Variants in VEPH1 observed in about 807,000 individuals in gnomAD.
VEPH1 encodes ventricular zone expressed PH domain containing 1.
In VEPH1, 80 loss-of-function variants were observed where a neutral mutation model predicts 85.2. The ratio of observed to expected loss-of-function variants is 0.94; its 90% CI spans 0.78 to 1.13. VEPH1 has a LOEUF of 1.13. Ranked by LOEUF, VEPH1 falls within the 50% of genes most tolerant of loss-of-function variation. The pLI is 0.00. For synonymous variants in VEPH1, 297 were observed against 348.0 expected, an observed-to-expected ratio of 0.85 and a Z score of 1.63; for missense variants, 955 against 980.5, an observed-to-expected ratio of 0.97 and a Z score of 0.35.
intron 3 of VEPH1, among the ~76,000 whole-genome samples, chr3:157,468,984 T>C (rs938215167): frequency 1.3e-5 from 2 of 152,250 alleles, no homozygotes; most frequent in South Asian, 4.1e-4. Flanking sequence ...AGACGAGTGG[T>C]TTTGAACCTG....
chr3:157,286,749 G>A, intron 11 of VEPH1, 75 bp from the exon 12 acceptor site: 1 of 1,215,328 alleles, frequency 8.2e-7, no homozygotes, highest in Non-Finnish European at 1.2e-6. Flanking sequence ...CTGGGAGAAG[G>A]GGATGTGGAT....
At chr3:157,491,522 A>T (rs1381670739) in intron 2 of VEPH1, among the ~76,000 whole-genome samples, 5 of 152,178 alleles carry the variant, frequency 3.3e-5, no homozygotes, top group Non-Finnish European at 2.9e-5. Flanking sequence ...TAAGGGCAAA[A>T]CATTTCATAG....
At chr3:157,377,142 C>A (rs1243228801) in intron 7 of VEPH1, among the ~76,000 whole-genome samples, 1 of 151,964 alleles carries the variant, frequency 6.6e-6, no homozygotes, top group Admixed American at 6.6e-5. Flanking sequence ...TAATTACAAT[C>A]GATTAGAAGA....
At chr3:157,466,959 T>A (rs1038154447) in intron 3 of VEPH1, among the ~76,000 whole-genome samples, 13 of 152,220 alleles carry the variant, frequency 8.5e-5, no homozygotes, top group African/African-American at 2.4e-4. Context: ...CTGGAATTTT[T>A]AAAAGTTATT....
intron 11 of VEPH1, among the ~76,000 whole-genome samples, chr3:157,295,844 A>G (rs1718060609): frequency 6.6e-6 from 1 of 152,148 alleles, no homozygotes; most frequent in South Asian, 2.1e-4. Context: ...CGTCCCAGCT[A>G]CCCAGGAGGC....
At position 157,437,182 on chromosome 3, in the gene VEPH1, C is replaced by G. The variant is rs1733665890; in HGVS notation, c.530-8694G>C. ...AGTTAAAAATTTATAGCTTGTTATG[C>G]AAAAGTGAGAAGCACTTGAAGAAAG... On this transcript the variant is annotated intron_variant, in intron 4 of 13. Coordinates refer to ENST00000362010, the MANE Select transcript of VEPH1 (RefSeq NM_001167912.2). 3.0e-6 allele frequency: 4 copies of G among 1,349,192 alleles called. No homozygotes were observed. The East Asian group carries it at 9.2e-5, about 31-fold the overall frequency. 83.6% of individuals were successfully genotyped at this position (1,349,192 alleles called of 1,614,324 possible).
intron 11 of VEPH1, among the ~76,000 whole-genome samples, chr3:157,298,091 T>G (rs1404888656): frequency 6.6e-6 from 1 of 152,136 alleles, no homozygotes; most frequent in Non-Finnish European, 1.5e-5. Context: ...ACTAAACAGG[T>G]GATTTGGTGC....
intron 10 of VEPH1, among the ~76,000 whole-genome samples, chr3:157,314,071 G>A (rs1033333307): frequency 2.0e-5 from 3 of 151,966 alleles, no homozygotes; most frequent in African/African-American, 7.3e-5. Flanking sequence ...GGTGGCTCAT[G>A]TCTGTAATCC....
chr3:157,324,805 C>T (rs1190987218), intron 9 of VEPH1, among the ~76,000 whole-genome samples: 1 of 152,046 alleles, frequency 6.6e-6, no homozygotes, highest in Non-Finnish European at 1.5e-5. Flanking sequence ...CATACACGTG[C>T]ATGTATATTT....
At chr3:157,381,548 T>A (rs966877284) in intron 6 of VEPH1, 172 bp from the exon 7 acceptor site, 4 of 620,042 alleles carry the variant, frequency 6.5e-6, no homozygotes, top group Non-Finnish European at 1.1e-5. Flanking sequence ...TAACACCCCA[T>A]CTCAACTTAA....
At chr3:157,473,361 C>T (rs1309488639) in intron 2 of VEPH1, among the ~76,000 whole-genome samples, 1 of 152,062 alleles carries the variant, frequency 6.6e-6, no homozygotes, top group African/African-American at 2.4e-5. Context: ...CATGAGCCAC[C>T]ATGTCGTGCT....
At chr3:157,363,893 G>A (rs1002756494) in intron 8 of VEPH1, 132 bp from the exon 9 acceptor site, 14 of 1,006,448 alleles carry the variant, frequency 1.4e-5, no homozygotes, top group Non-Finnish European at 2.0e-5. Context: ...CCTGATAAAT[G>A]TATACCACCA....
At chr3:157,263,285 C>CA (rs1559905762) in intron 13 of VEPH1, among the ~76,000 whole-genome samples, 1 of 152,132 alleles carries the variant, frequency 6.6e-6, no homozygotes. Context: ...CAAGTTTTGT[C>CA]AGAGTTATGG....
Position 157,381,221 on chromosome 3 carries a change from G to A in VEPH1, c.1062C>T (p.Asn354=). 15 of 1,614,094 alleles carry A rather than the reference G, an allele frequency of 9.3e-6. No individual in the cohort carries two copies. Among genetic ancestry groups the A allele is most frequent in the African/African-American group, 1.3e-5 (1 of 75,024 alleles). Residue 354 remains asparagine, a synonymous_variant, in exon 7 of 14, where the codon AAC becomes AAT. Transcript: ENST00000362010. ...GGAGTTTAGCAATGGCGGTGAAGCT[G>A]TTGCTCATGCGGAAGATGTCTCTGC... ...PQSRDIFRMS[N]SFTAIAKLLT... is the part of the protein sequence containing the mutation.
chr3:157,272,829 G>T (rs1030017075), intron 12 of VEPH1, among the ~76,000 whole-genome samples: 3 of 152,084 alleles, frequency 2.0e-5, no homozygotes, highest in Admixed American at 6.6e-5. Flanking sequence ...AGCAGATGTT[G>T]TCATTCTTTG....
intron 11 of VEPH1, among the ~76,000 whole-genome samples, chr3:157,311,733 C>T (rs6769530): frequency 0.19 from 28,836 of 151,956 alleles, 4,046 homozygotes; most frequent in African/African-American, 0.39. Flanking sequence ...GGATTTGAAG[C>T]AGCCTGCCAG....
At chr3:157,346,411 C>T (rs1559978830) in intron 9 of VEPH1, among the ~76,000 whole-genome samples, 2 of 152,080 alleles carry the variant, frequency 1.3e-5, no homozygotes, top group South Asian at 2.1e-4. Context: ...TAACTAAAAG[C>T]ATTTGGGAAT....
In VEPH1 at chr3:157,488,311, C is replaced by T. The variant is rs76428746; in HGVS notation, c.138+6901G>A. 7.4e-3 allele frequency among the ~76,000 whole-genome samples: 1,131 copies of T among 152,178 alleles called. 22 individuals are homozygous for T. The highest frequency in any genetic ancestry group is 0.067 in the East Asian group (343 of 5,150). ...AACTCCAATCTGGCTTTCAGTCTGA[C>T]CCATCCAGTGACAACTGCTCTTGTC... On this transcript the variant is annotated intron_variant, in intron 2 of 13. Transcript: ENST00000362010.
At chr3:157,263,206 C>T (rs1713148126) in intron 13 of VEPH1, among the ~76,000 whole-genome samples, 1 of 152,078 alleles carries the variant, frequency 6.6e-6, no homozygotes, top group Non-Finnish European at 1.5e-5. Flanking sequence ...GTTATTGTTT[C>T]CCTGGAGATT....
Sources: allele counts gnomAD v4.1 joint callset (sites outside exome capture counted in the v4.1 genomes callset), GRCh38; gene constraint gnomAD v4.1.1; transcripts MANE v1.5; gene names NCBI Gene and HGNC (gene_info 2026-07-23, HGNC 2026-07-21).